The following MAP3K12 variants were observed in gnomAD, a reference collection of about 807,000 sequenced individuals.
MAP3K12 encodes the protein mitogen-activated protein kinase kinase kinase 12.
In MAP3K12, 14 loss-of-function variants were observed where a neutral mutation model predicts 87.5. The observed-to-expected ratio is 0.16, with a 90% CI of 0.11 to 0.25. The LOEUF is 0.25. MAP3K12 is among the 10% of genes least tolerant of loss of function. The pLI, the probability that MAP3K12 is intolerant of heterozygous loss-of-function variation, is 1.00. For synonymous variants in MAP3K12, 469 were observed against 452.5 expected (o/e 1.04, Z -0.46); for missense variants, 802 against 1,140.4 (o/e 0.70, Z 4.27).
intron 9 of MAP3K12, 56 bp downstream of exon 9, chr12:53,483,551 G>C: frequency 1.2e-6 from 2 of 1,613,888 alleles, no homozygotes. Context: ...GTCTCAGTAG[G>C]ACCTCTAAGG....
At position 53,482,555 on chromosome 12, in the gene MAP3K12, CA is replaced by C; in HGVS notation, c.2238+9del. 6.2e-7 allele frequency: 1 copy of C among 1,600,858 alleles called. No individual in the cohort carries two copies. The highest frequency in any genetic ancestry group is 1.3e-5 in the African/African-American group (1 of 74,448). On this transcript the variant is annotated intron_variant, in intron 11 of 13. Coordinates refer to ENST00000547488, the MANE Select transcript of MAP3K12 (RefSeq NM_001193511.2). ...AAGGGAAAGAGCTTGGGAGCCTTCC[CA>C]TACTTTACCTGACTTCGGGTGACGG...
Position 53,483,599 on chromosome 12 carries a change from A to T in MAP3K12, c.1475+8T>A, listed in dbSNP as rs757703731. On this transcript the variant is annotated splice_region_variant and intron_variant, in intron 9 of 13. Transcript: ENST00000547488. ...CAGGGCTTGGTGCATAAGGACAGGT[A>T]GGGTTACCTGAGCAGCTCCCTCTCC... The T allele has an allele frequency of 6.2e-7, 1 of 1,613,856 alleles. No homozygotes were observed. The highest frequency in any genetic ancestry group is 1.3e-5 in the African/African-American group (1 of 74,914).
chr12:53,496,209 T>C (rs1943545020), intron 1 of MAP3K12, among the ~76,000 whole-genome samples: 1 of 152,182 alleles, frequency 6.6e-6, no homozygotes, highest in South Asian at 2.1e-4. Context: ...GGATAAACTG[T>C]GATTTCAGGT....
chr12:53,482,752 C>G lies in MAP3K12; in HGVS notation c.2051G>C (p.Gly684Ala). ...CCCAGGTGAATCTGGGCTGGTGGAG[C>G]CAGGGGCTGAGCCCTCACTTGGTGG... The part of the protein sequence containing the change: ...DTPPSEGSAP[G>A]STSPDSPGGA... The change falls in exon 11 of 14, where the codon GGC (glycine) becomes GCC (alanine). Residue 684 changes from glycine to alanine, a missense_variant. Transcript: ENST00000547488. The G allele has an allele frequency of 6.2e-7, 1 of 1,613,978 alleles. No homozygotes were observed. Among genetic ancestry groups the G allele is most frequent in the Admixed American group, 1.7e-5 (1 of 60,028 alleles).
chr12:53,483,384 C>T lies in MAP3K12; in HGVS notation c.1578G>A (p.Arg526=). ...GGGGTGACAGCTTCTGTGGCACATT[C>T]CTCTTCTTGATAAGCTTCTCCATTG... The part of the protein sequence containing the change: ...GNTMEKLIKK[R]NVPQKLSPHS... Residue 526 remains arginine, a synonymous_variant, in exon 10 of 14, where the codon AGG becomes AGA. Transcript: ENST00000547488. 1 of 1,614,126 alleles carries T rather than the reference C, an allele frequency of 6.2e-7. No homozygotes were observed. Among genetic ancestry groups the T allele is most frequent in the South Asian group, 1.1e-5 (1 of 91,074 alleles).
chr12:53,481,378 G>A (rs1943036326), intron 13 of MAP3K12, 98 bp from the exon 14 acceptor site: 2 of 536,580 alleles, frequency 3.7e-6, no homozygotes, highest in Admixed American at 4.2e-5. Context: ...TTAAGACAGA[G>A]TCTCACTCTC....
chr12:53,492,416 C>T (rs1020148274), intron 1 of MAP3K12, among the ~76,000 whole-genome samples: 1 of 152,092 alleles, frequency 6.6e-6, no homozygotes, highest in Non-Finnish European at 1.5e-5. Flanking sequence ...TCTACTCACC[C>T]CGGAGGATCG....
At chr12:53,490,617 G>A (rs1174208965) in intron 1 of MAP3K12, among the ~76,000 whole-genome samples, 1 of 151,468 alleles carries the variant, frequency 6.6e-6, no homozygotes, top group South Asian at 2.1e-4. Context: ...GGTGGCAGGC[G>A]CCTGTAGTCC....
chr12:53,482,549 C>G lies in MAP3K12; in HGVS notation c.2238+16G>C, dbSNP rs373264640. On this transcript the variant is annotated intron_variant, in intron 11 of 13. Transcript: ENST00000547488. ...AGGAAAAAGGGAAAGAGCTTGGGAG[C>G]CTTCCCATACTTTACCTGACTTCGG... 2.9e-5 allele frequency: 46 copies of G among 1,597,146 alleles called. No individual in the cohort carries two copies. Among genetic ancestry groups the G allele is most frequent in the Non-Finnish European group, 3.9e-5 (46 of 1,171,648 alleles).
rs1943166527 is a variant in MAP3K12 at position 53,484,371 on chromosome 12, A to G, written c.1140-6T>C. ...GATTTCGTGGTTTGCTATTCCTGAA[A>G]GGAATGGAGTTAGGAAGGAGAGGGG... On this transcript the variant is annotated splice_region_variant and splice_polypyrimidine_tract_variant and intron_variant, in intron 6 of 13. Coordinates refer to ENST00000547488, the MANE Select transcript of MAP3K12 (RefSeq NM_001193511.2). 1.2e-6 allele frequency: 2 copies of G among 1,611,466 alleles called. No individual in the cohort carries two copies. Among genetic ancestry groups the G allele is most frequent in the Admixed American group, 1.7e-5 (1 of 60,026 alleles).
chr12:53,496,630 C>G (rs1322446703), intron 1 of MAP3K12, among the ~76,000 whole-genome samples: 1 of 152,186 alleles, frequency 6.6e-6, no homozygotes, highest in Non-Finnish European at 1.5e-5. Context: ...AGAATAAATA[C>G]CAAAGTATAA....
rs556967154 is a variant in MAP3K12, at chr12:53,489,446, C to T, written c.-37-2018G>A. Among the ~76,000 whole-genome samples the T allele has an allele frequency of 2.6e-5, 4 of 152,336 alleles. No individual in the cohort carries two copies. The East Asian group carries it at 7.7e-4, about 29-fold the overall frequency. On this transcript the variant is annotated intron_variant, in intron 1 of 13. Transcript: ENST00000547488. ...AGGAATAAACTGGCTGTCACTAAGG[C>T]ACAGCAAACCCTTAATCCTACACCA...
rs774764297 is a variant in MAP3K12 at position 53,482,301 on chromosome 12, C to T, written c.2307G>A (p.Gln769=). 6.2e-6 allele frequency: 10 copies of T among 1,614,174 alleles called. No homozygotes were observed. The South Asian group carries it at 6.6e-5, about 11-fold the overall frequency. Residue 769 remains glutamine, a splice_region_variant and synonymous_variant, in exon 12 of 14, where the codon CAG becomes CAA. Transcript: ENST00000547488. ...ATTCTTGTAATGCCATCACTTACCT[C>T]TGGCTTGATGTCAGCTCTACTTCAC... is the stretch of plus-strand genomic sequence containing the variant. ...VDSEVELTSS[Q]RWPQSLNMRQ... is the part of the protein sequence containing the mutation.
intron 6 of MAP3K12, 62 bp downstream of exon 6, chr12:53,484,994 C>G: frequency 6.3e-7 from 1 of 1,598,866 alleles, no homozygotes; most frequent in Non-Finnish European, 8.6e-7. Flanking sequence ...GTCAGTCCAG[C>G]CCAGTACTAC....
chr12:53,490,487 T>C (rs1943368065), intron 1 of MAP3K12, among the ~76,000 whole-genome samples: 1 of 152,116 alleles, frequency 6.6e-6, no homozygotes, highest in Non-Finnish European at 1.5e-5. Flanking sequence ...GGCTCATGCC[T>C]GTAATCCCAG....
At position 53,485,524 on chromosome 12, in the gene MAP3K12, A is replaced by G. The variant is rs755410538; in HGVS notation, c.822-49T>C. ...GGGTCCACACCCCTCCACACACCTC[A>G]TCTAACTCTGCAGCAACTCTGCCTT... On this transcript the variant is annotated intron_variant, in intron 4 of 13. Coordinates refer to ENST00000547488, the MANE Select transcript of MAP3K12 (RefSeq NM_001193511.2). 5.3e-5 allele frequency: 84 copies of G among 1,573,440 alleles called. No individual in the cohort carries two copies. The South Asian group carries it at 8.8e-4, about 17-fold the overall frequency.
chr12:53,480,230 A>G lies in MAP3K12; in HGVS notation c.*952T>C, dbSNP rs1331836539. 1 of 152,172 alleles carries G rather than the reference A, an allele frequency of 6.6e-6. No individual in the cohort carries two copies. Among genetic ancestry groups the G allele is most frequent in the East Asian group, 1.9e-4 (1 of 5,192 alleles). The allele number at this position is 152,172 out of a possible 1,614,324, so 9.4% of individuals were successfully genotyped here. A position where few individuals can be genotyped will look rare whatever the true frequency, so the allele number is the denominator to read the frequency against. Reference sequence around the variant, plus strand: ...CCCCTTGTTCAGGCTTGCATATTTTAAACTAAAAATTTCAGTCTATTGTTT... The same window carrying G: ...CCCCTTGTTCAGGCTTGCATATTTTGAACTAAAAATTTCAGTCTATTGTTT... On this transcript the variant is annotated 3_prime_UTR_variant, in exon 14 of 14. Transcript: ENST00000547488.
Position 53,491,865 on chromosome 12 carries a change from G to A in MAP3K12, c.-37-4437C>T, listed in dbSNP as rs79027618. On this transcript the variant is annotated intron_variant, in intron 1 of 13. Transcript: ENST00000547488. ...GAGGTGGGCGGATCGCTTGAGCTCGGGAGTTTGAGACCAGCCTGGGGAACA... is the reference window on the plus strand; with the variant it reads ...GAGGTGGGCGGATCGCTTGAGCTCGAGAGTTTGAGACCAGCCTGGGGAACA... 3.4e-3 allele frequency among the ~76,000 whole-genome samples: 516 copies of A among 151,740 alleles called. 8 individuals are homozygous for A. In the East Asian group the frequency reaches 0.041, roughly 12 times the overall value.
At chr12:53,491,166 T>C (rs1943387413) in intron 1 of MAP3K12, among the ~76,000 whole-genome samples, 1 of 150,388 alleles carries the variant, frequency 6.6e-6, no homozygotes, top group African/African-American at 2.4e-5. Context: ...CGGTCGCCTG[T>C]AGTCCCAGCT....
Sources: allele counts gnomAD v4.1 joint callset (sites outside exome capture counted in the v4.1 genomes callset), GRCh38; gene constraint gnomAD v4.1.1; transcripts MANE v1.5; gene names NCBI Gene and HGNC (gene_info 2026-07-23, HGNC 2026-07-21).